Variants in MAPK8IP1 observed in about 807,000 individuals in gnomAD.
MAPK8IP1 encodes C-Jun-amino-terminal kinase-interacting protein 1.
In MAPK8IP1, 17 loss-of-function variants were observed where a neutral mutation model predicts 72.6. That is an observed-to-expected ratio of 0.23 (90% confidence interval 0.16 to 0.35). MAPK8IP1 has a LOEUF of 0.35. Among genes scored for constraint, MAPK8IP1 ranks in the 10% least tolerant of loss-of-function variants. The probability of loss-of-function intolerance (pLI) is 1.00; values close to 1 mark genes in which losing one functional copy is unlikely to be tolerated. For missense variants in MAPK8IP1, 789 were observed against 1,009.7 expected, an observed-to-expected ratio of 0.78 and a Z score of 2.96; for synonymous variants, 401 against 443.4, an observed-to-expected ratio of 0.90 and a Z score of 1.20.
chr11:45,889,520 GT>G (rs1471325787), intron 1 of MAPK8IP1, among the ~76,000 whole-genome samples: 2 of 152,180 alleles, frequency 1.3e-5, no homozygotes, highest in Non-Finnish European at 2.9e-5. Flanking sequence ...CACTGGGTAG[GT>G]GGGACAAAGA....
chr11:45,886,069 C>A, intron 1 of MAPK8IP1, 148 bp downstream of exon 1: 1 of 457,626 alleles, frequency 2.2e-6, no homozygotes, highest in Non-Finnish European at 3.8e-6. Context: ...ACAGAGCCCC[C>A]CTCAGAAGCC....
intron 1 of MAPK8IP1, among the ~76,000 whole-genome samples, chr11:45,891,716 T>C (rs775066778): frequency 6.6e-6 from 1 of 152,248 alleles, no homozygotes; most frequent in African/African-American, 2.4e-5. Context: ...GGGAGACCAC[T>C]GGATCATATA....
chr11:45,895,906 A>C (rs1162548428), intron 1 of MAPK8IP1, among the ~76,000 whole-genome samples: 1 of 151,976 alleles, frequency 6.6e-6, no homozygotes, highest in Non-Finnish European at 1.5e-5. Flanking sequence ...CTTCTGGGCC[A>C]GGCCCTCCTC....
Position 45,891,576 on chromosome 11 carries a change from G to A in MAPK8IP1, c.101+5655G>A, listed in dbSNP as rs570726789. ...GCCCAGCAGCAGACGGGGAGCCCATGCTAGGCTGGCATGACCCAAGATGAA... is the reference window on the plus strand; with the variant it reads ...GCCCAGCAGCAGACGGGGAGCCCATACTAGGCTGGCATGACCCAAGATGAA... On this transcript the variant is annotated intron_variant, in intron 1 of 11. Coordinates refer to ENST00000241014, the MANE Select transcript of MAPK8IP1 (RefSeq NM_005456.4). Among the ~76,000 whole-genome samples the A allele has an allele frequency of 5.7e-4, 87 of 152,286 alleles. 2 individuals are homozygous for A. In the South Asian group the frequency reaches 0.018, roughly 31 times the overall value.
At chr11:45,897,511 A>C (rs777140137) in intron 1 of MAPK8IP1, among the ~76,000 whole-genome samples, 5 of 152,230 alleles carry the variant, frequency 3.3e-5, no homozygotes, top group Admixed American at 1.3e-4. Context: ...CACCAAGTGC[A>C]CAGCATGAGG....
rs145966810 is a variant in MAPK8IP1, at chr11:45,902,601, T to G, written c.834T>G (p.Thr278=). 7 of 1,612,690 alleles carry G rather than the reference T, an allele frequency of 4.3e-6. No homozygotes were observed. Among genetic ancestry groups the G allele is most frequent in the Non-Finnish European group, 5.9e-6 (7 of 1,179,898 alleles). Reference sequence around the variant, plus strand: ...AGGCCGATGTGCGACTAGAGGCCACTGAGGAGATCTACCTGACCCCAGTGC... The same window carrying G: ...AGGCCGATGTGCGACTAGAGGCCACGGAGGAGATCTACCTGACCCCAGTGC... ...HYQADVRLEA[T]EEIYLTPVQR... The change falls in exon 5 of 12, where the codon ACT becomes ACG. Residue 278 remains threonine, a synonymous_variant. Transcript: ENST00000241014. The surrounding 1 kb of genome is among the most constrained non-coding windows in gnomAD (Gnocchi z 9.3).
chr11:45,896,373 T>G (rs1259824300), intron 1 of MAPK8IP1, among the ~76,000 whole-genome samples: 1 of 152,240 alleles, frequency 6.6e-6, no homozygotes, highest in African/African-American at 2.4e-5. Flanking sequence ...GAAGCCCCCC[T>G]TCATCTCCCA....
Position 45,900,206 on chromosome 11 carries a change from G to A in MAPK8IP1, c.276G>A (p.Leu92=), listed in dbSNP as rs1262561775. ...GGAGCCGGTTGCAGGCCGAGATGCT[G>A]CAGATGGACCTGATCGACGCGACGG... is the stretch of plus-strand genomic sequence containing the variant. The part of the protein sequence containing the change: ...GAGSRLQAEM[L]QMDLIDATGD... The change falls in exon 3 of 12, where the codon CTG becomes CTA. Residue 92 remains leucine, a synonymous_variant. Coordinates refer to ENST00000241014, the MANE Select transcript of MAPK8IP1 (RefSeq NM_005456.4). This position sits in a 1 kb window ranked among gnomAD's most constrained non-coding sequence, Gnocchi z 6.5. The A allele has an allele frequency of 3.8e-6, 5 of 1,325,488 alleles. No individual in the cohort carries two copies. In the South Asian group the frequency reaches 6.3e-5, roughly 17 times the overall value. 82.1% of individuals were successfully genotyped at this position (1,325,488 alleles called of 1,614,324 possible).
intron 1 of MAPK8IP1, among the ~76,000 whole-genome samples, chr11:45,890,076 G>C (rs1022245627): frequency 1.3e-5 from 2 of 152,312 alleles, no homozygotes; most frequent in African/African-American, 2.4e-5. Flanking sequence ...CTTAGGCCTG[G>C]TGGACGCATA....
At chr11:45,891,508 G>A (rs1335495200) in intron 1 of MAPK8IP1, among the ~76,000 whole-genome samples, 1 of 152,170 alleles carries the variant, frequency 6.6e-6, no homozygotes, top group Non-Finnish European at 1.5e-5. Context: ...TGAGTATGAT[G>A]ACCCTGCCCT....
At chr11:45,887,281 G>A (rs1373047897) in intron 1 of MAPK8IP1, among the ~76,000 whole-genome samples, 2 of 152,164 alleles carry the variant, frequency 1.3e-5, no homozygotes, top group Non-Finnish European at 2.9e-5. Flanking sequence ...TGTTAAGTGG[G>A]CTAATTAATA....
At chr11:45,890,903 A>G (rs2134665662) in intron 1 of MAPK8IP1, among the ~76,000 whole-genome samples, 1 of 152,300 alleles carries the variant, frequency 6.6e-6, no homozygotes, top group South Asian at 2.1e-4. Context: ...CTGAAGCCTC[A>G]GAGAGGACAT....
chr11:45,896,722 T>TC, intron 1 of MAPK8IP1: 1 of 1,442,264 alleles, frequency 6.9e-7, no homozygotes. Context: ...TTTAATGAGC[T>TC]CCCCAGGCTT....
Position 45,906,136 on chromosome 11 carries a change from G to A in MAPK8IP1, c.*415G>A, listed in dbSNP as rs375446031. ...AAGCCTGTGCCACCTGCAAGTGCCC[G>A]CCCTGCCCCTGCCCCAACCCCCACC... On this transcript the variant is annotated 3_prime_UTR_variant, in exon 12 of 12. Transcript: ENST00000241014. 23 of 358,444 alleles carry A rather than the reference G, an allele frequency of 6.4e-5. No individual in the cohort carries two copies. The highest frequency in any genetic ancestry group is 3.9e-4 in the East Asian group (7 of 17,908). The allele number at this position is 358,444 out of a possible 1,614,324, so 22.2% of individuals were successfully genotyped here.
At position 45,903,130 on chromosome 11, in the gene MAPK8IP1, C is replaced by T; in HGVS notation, c.1363C>T (p.His455Tyr). 6.2e-7 allele frequency: 1 copy of T among 1,607,708 alleles called. No homozygotes were observed. Among genetic ancestry groups the T allele is most frequent in the Non-Finnish European group, 8.5e-7 (1 of 1,177,154 alleles). ...CTCCACGCCTGATGAACCCGACGTC[C>T]ATTTCTCCAAGAAATTCCTGAACGT... ...EDSTPDEPDV[H>Y]FSKKFLNVFM... Residue 455 changes from histidine to tyrosine, a missense_variant, in exon 5 of 12, where the codon CAT (histidine) becomes TAT (tyrosine). Around this residue, in one of 4 missense-constraint regions of MAPK8IP1, gnomAD observed 377 missense variants for 411.7 expected, o/e 0.92. Transcript: ENST00000241014. This position sits in a 1 kb window ranked among gnomAD's most constrained non-coding sequence, Gnocchi z 6.4.
Position 45,900,520 on chromosome 11 carries a change from C to T in MAPK8IP1, c.522+68C>T. 6.7e-7 allele frequency: 1 copy of T among 1,502,862 alleles called. No homozygotes were observed. The allele number at this position is 1,502,862 out of a possible 1,614,324, so 93.1% of individuals were successfully genotyped here. A position where few individuals can be genotyped will look rare whatever the true frequency, so the allele number is the denominator to read the frequency against. On this transcript the variant is annotated intron_variant, in intron 3 of 11. Coordinates refer to ENST00000241014, the MANE Select transcript of MAPK8IP1 (RefSeq NM_005456.4). The surrounding 1 kb of genome is among the most constrained non-coding windows in gnomAD (Gnocchi z 6.5). ...AGATGTGAGGGGGAGCGCAGAGGGG[C>T]TGCAGCGGGAAGGGGCACCCACGGG...
chr11:45,887,539 A>G (rs1412036708), intron 1 of MAPK8IP1, among the ~76,000 whole-genome samples: 1 of 152,212 alleles, frequency 6.6e-6, no homozygotes. Context: ...CTAAGGCTAC[A>G]CTGGGACCCA....
At chr11:45,885,995 C>G (rs985007277) in intron 1 of MAPK8IP1, 74 bp downstream of exon 1, 83 of 891,408 alleles carry the variant, frequency 9.3e-5, no homozygotes, top group Non-Finnish European at 1.2e-4. Flanking sequence ...TGCCCGCCCC[C>G]CACCCCAGAA....
intron 1 of MAPK8IP1, chr11:45,896,590 G>GGCA (rs1408766729): frequency 7.8e-7 from 1 of 1,289,384 alleles, no homozygotes; most frequent in Admixed American, 3.3e-5. Flanking sequence ...CGGCCACAGC[G>GGCA]GCAGCAGCGC....
Sources: gnomAD v4.1 joint callset for allele counts (sites outside exome capture counted in the v4.1 genomes callset) on GRCh38, gnomAD v4.1.1 for gene constraint, gnomAD v4.1.1 regional missense constraint, Gnocchi (gnomAD v3.1) non-coding constraint, MANE v1.5 for transcripts, NCBI Gene and HGNC (gene_info 2026-07-23, HGNC 2026-07-21) for gene names.